KLHDC4: variants seen among roughly 807,000 people sequenced by gnomAD.
KLHDC4 encodes kelch domain containing 4, also known as kelch domain-containing protein 4.
In KLHDC4, 90 loss-of-function variants were observed where a neutral mutation model predicts 62.4. The ratio of observed to expected loss-of-function variants is 1.44; its 90% CI spans 1.22 to 1.72. KLHDC4 has a LOEUF of 1.72. KLHDC4 is among the 40% of genes most tolerant of loss of function. KLHDC4 has a pLI of 0.00. For synonymous variants in KLHDC4, 386 were observed against 284.4 expected (o/e 1.36, Z -3.59); for missense variants, 1,025 against 699.7 (o/e 1.47, Z -5.25).
chr16:87,708,673 G>A (rs1293109073), intron 10 of KLHDC4: 4 of 414,468 alleles, frequency 9.7e-6, no homozygotes, highest in Non-Finnish European at 1.7e-5. Context: ...ATCCGAGACG[G>A]CAAACATGCA....
chr16:87,759,996 A>G (rs2045617473), intron 2 of KLHDC4, among the ~76,000 whole-genome samples: 1 of 152,088 alleles, frequency 6.6e-6, no homozygotes, highest in Non-Finnish European at 1.5e-5. Flanking sequence ...AATCCTGACG[A>G]TATGCTCATT....
intron 4 of KLHDC4, 140 bp downstream of exon 4, chr16:87,755,054 G>A: frequency 1.8e-6 from 1 of 566,190 alleles, no homozygotes; most frequent in Non-Finnish European, 3.2e-6. Flanking sequence ...AGGAATCCAA[G>A]TGAGCAAACA....
chr16:87,756,633 C>T (rs951693463), intron 2 of KLHDC4, among the ~76,000 whole-genome samples, 156 bp from the exon 3 acceptor site: 2 of 150,470 alleles, frequency 1.3e-5, no homozygotes, highest in African/African-American at 4.9e-5. Context: ...AAAGGTGCCA[C>T]TTGAACACCA....
intron 2 of KLHDC4, among the ~76,000 whole-genome samples, chr16:87,757,041 C>T (rs1421527295): frequency 2.0e-5 from 3 of 151,962 alleles, no homozygotes; most frequent in Admixed American, 6.6e-5. Flanking sequence ...TCTCAAACTC[C>T]GGACCTCAAG....
At chr16:87,747,531 G>C (rs2043216750) in intron 5 of KLHDC4, 1 of 152,166 alleles carries the variant, frequency 6.6e-6, no homozygotes, top group African/African-American at 2.4e-5. Flanking sequence ...TGAGAAAAGG[G>C]ACGGAAAAGC....
At position 87,718,187 on chromosome 16, in the gene KLHDC4, C is replaced by G. The variant is rs758874356; in HGVS notation, c.760-3614G>C. On this transcript the variant is annotated intron_variant, in intron 7 of 11. Coordinates refer to ENST00000270583, the MANE Select transcript of KLHDC4 (RefSeq NM_017566.4). Reference sequence around the variant, plus strand: ...AGTAACAGACAACGGCCTTGTTGCCCTCTGTTTTTCTGGATCACCTGTGCT... The same window carrying G: ...AGTAACAGACAACGGCCTTGTTGCCGTCTGTTTTTCTGGATCACCTGTGCT... 9.2e-5 allele frequency among the ~76,000 whole-genome samples: 14 copies of G among 152,252 alleles called. No homozygotes were observed. The South Asian group carries it at 1.5e-3, about 16-fold the overall frequency.
chr16:87,759,114 G>A (rs2045472959), intron 2 of KLHDC4, among the ~76,000 whole-genome samples: 1 of 152,170 alleles, frequency 6.6e-6, no homozygotes, highest in Admixed American at 6.5e-5. Flanking sequence ...GGAGGTTGCG[G>A]TGAGCCGATA....
intron 7 of KLHDC4, among the ~76,000 whole-genome samples, chr16:87,721,597 G>A (rs2038362610): frequency 6.6e-6 from 1 of 152,088 alleles, no homozygotes; most frequent in African/African-American, 2.4e-5. Flanking sequence ...GGTGAGCACG[G>A]AGCTCTGGCT....
Position 87,757,721 on chromosome 16 carries a change from G to A in KLHDC4, c.192-1244C>T, listed in dbSNP as rs527807101. Among the ~76,000 whole-genome samples, 241 of 151,664 alleles carry A rather than the reference G, an allele frequency of 1.6e-3. 1 individual carries two copies. Among genetic ancestry groups the A allele is most frequent in the Non-Finnish European group, 2.8e-3 (188 of 67,890 alleles). ...CCTGGCAAACACGGTGAAACCCCCCGTCTCTACTAAAAATACAAAAAGTAG... is the reference window on the plus strand; with the variant it reads ...CCTGGCAAACACGGTGAAACCCCCCATCTCTACTAAAAATACAAAAAGTAG... On this transcript the variant is annotated intron_variant, in intron 2 of 11. Transcript: ENST00000270583.
chr16:87,748,645 G>A (rs148365093), intron 5 of KLHDC4, 28 bp downstream of exon 5: 3 of 1,613,338 alleles, frequency 1.9e-6, no homozygotes, highest in East Asian at 2.2e-5. Context: ...GCCATGCCCG[G>A]AGCTCAGCTT....
intron 4 of KLHDC4, among the ~76,000 whole-genome samples, chr16:87,750,692 C>T (rs182628688): frequency 7.4e-4 from 113 of 152,332 alleles, no homozygotes; most frequent in Non-Finnish European, 1.1e-3. Flanking sequence ...ACCTCTGAGT[C>T]GGTGTTCCGC....
intron 5 of KLHDC4, among the ~76,000 whole-genome samples, chr16:87,736,174 C>G (rs1159628783): frequency 2.0e-5 from 3 of 152,222 alleles, no homozygotes; most frequent in African/African-American, 2.4e-5. Flanking sequence ...CACGCCTGCA[C>G]TGACGGGAGA....
In KLHDC4 at chr16:87,730,552, CGTGTACTTTCATGGAAGCCACCAA is replaced by C. The variant is rs2040167640; in HGVS notation, c.575_598del (p.Phe192_Arg200delinsTrp). The C allele has an allele frequency of 3.1e-6, 5 of 1,609,390 alleles. No homozygotes were observed. The African/African-American group carries it at 4.0e-5, about 13-fold the overall frequency. On this transcript the variant is annotated inframe_deletion and splice_region_variant, in exon 6 of 12. Transcript: ENST00000270583. ...AGATTTTTCCGTTCTTGGTACCAACCGTGTACTTTCATGGAAGCCACCAAACAGGATCAATTGTCTCTTCCAGGC... is the reference window on the plus strand; with the variant it reads ...AGATTTTTCCGTTCTTGGTACCAACCACAGGATCAATTGTCTCTTCCAGGC...
chr16:87,734,696 G>A (rs1169242428), intron 5 of KLHDC4, among the ~76,000 whole-genome samples: 1 of 152,110 alleles, frequency 6.6e-6, no homozygotes, highest in African/African-American at 2.4e-5. Context: ...CCTTTGGGGT[G>A]GCCTCTTCAC....
chr16:87,762,799 G>A (rs1226663655), intron 1 of KLHDC4, among the ~76,000 whole-genome samples: 1 of 152,042 alleles, frequency 6.6e-6, no homozygotes, highest in Non-Finnish European at 1.5e-5. Flanking sequence ...ACATTTACGA[G>A]ACACTCCCAT....
intron 5 of KLHDC4, chr16:87,743,075 G>A (rs557324432): frequency 2.6e-4 from 40 of 152,276 alleles, no homozygotes; most frequent in Non-Finnish European, 5.6e-4. Context: ...TCAGACATGA[G>A]GTCAAAGACT....
At chr16:87,757,568 C>A (rs1363003535) in intron 2 of KLHDC4, 1 of 150,866 alleles carries the variant, frequency 6.6e-6, no homozygotes, top group Non-Finnish European at 1.5e-5. Context: ...CACATGAGAA[C>A]AAAAGAAGAG....
rs1466693128 is a variant in KLHDC4, at chr16:87,765,786, G to A, written c.99+6C>T. 1.3e-6 allele frequency: 2 copies of A among 1,569,610 alleles called. No individual in the cohort carries two copies. The highest frequency in any genetic ancestry group is 2.3e-5 in the East Asian group (1 of 42,840). On this transcript the variant is annotated splice_donor_region_variant and intron_variant, in intron 1 of 11. Coordinates refer to ENST00000270583, the MANE Select transcript of KLHDC4 (RefSeq NM_017566.4). ...CGGGCCGCTAAGCCCGGTCTGACCC[G>A]CTCACCTCCTCCTTCCGCGAGCGCT...
intron 7 of KLHDC4, among the ~76,000 whole-genome samples, chr16:87,722,223 T>G (rs2038511545): frequency 6.6e-6 from 1 of 152,240 alleles, no homozygotes; most frequent in Non-Finnish European, 1.5e-5. Context: ...TCGGAATTTA[T>G]AAAACGTGGT....
Sources: gnomAD v4.1 joint callset for allele counts (sites outside exome capture counted in the v4.1 genomes callset) on GRCh38, gnomAD v4.1.1 for gene constraint, MANE v1.5 for transcripts, NCBI Gene and HGNC (gene_info 2026-07-23, HGNC 2026-07-21) for gene names.